The following RPS9 variants were observed in gnomAD, a reference collection of about 807,000 sequenced individuals.
The protein encoded by RPS9 is small ribosomal subunit protein uS4.
Under a neutral mutation model 16.9 loss-of-function variants are expected in RPS9, and 1 was observed. That is an observed-to-expected ratio of 0.06 (90% CI 0.02 to 0.28). The LOEUF (loss-of-function observed/expected upper bound fraction) is 0.28, where lower values mean the gene tolerates loss of function less well. RPS9 is among the 10% of genes least tolerant of loss of function. RPS9 has a pLI of 1.00. For synonymous variants in RPS9, 106 were observed against 110.9 expected (o/e 0.96, Z 0.28); for missense variants, 137 against 273.2 (o/e 0.50, Z 3.51).
chr19:54,201,331 A>C (rs777017611), intron 2 of RPS9, 50 bp downstream of exon 2: 25 of 1,613,472 alleles, frequency 1.5e-5, no homozygotes, highest in Non-Finnish European at 1.9e-5. Flanking sequence ...GGAGGCGGTT[A>C]GCACGTGGAT....
intron 3 of RPS9, among the ~76,000 whole-genome samples, chr19:54,204,787 T>G (rs1296911929): frequency 1.3e-5 from 2 of 152,142 alleles, no homozygotes; most frequent in Non-Finnish European, 1.5e-5. Flanking sequence ...GGTCCCAAAC[T>G]CATTTTCATT....
intron 2 of RPS9, 68 bp downstream of exon 2, chr19:54,201,349 C>T: frequency 6.2e-7 from 1 of 1,611,874 alleles, no homozygotes; most frequent in East Asian, 2.2e-5. Context: ...GATGAAGGTG[C>T]CCATGTACTC....
chr19:54,200,989 CA>C, intron 1 of RPS9, 101 bp downstream of exon 1: 1 of 1,439,076 alleles, frequency 6.9e-7, no homozygotes, highest in Non-Finnish European at 9.1e-7. Flanking sequence ...GGAAACAGAG[CA>C]GGGTGGTTGA....
At chr19:54,202,411 T>A (rs17239552) in intron 3 of RPS9, 373,778 of 982,334 alleles carry the variant, frequency 0.38, 74,546 homozygotes, top group East Asian at 0.43. Flanking sequence ...TGCTTGTTTT[T>A]TTAAGCTGGT....
intron 3 of RPS9, among the ~76,000 whole-genome samples, chr19:54,203,768 A>G: frequency 1.6e-5 from 2 of 125,762 alleles, no homozygotes; most frequent in Non-Finnish European, 3.6e-5. Context: ...AAACAACACG[A>G]ACTCCCCCCC....
At chr19:54,204,313 C>T (rs1328423036) in intron 3 of RPS9, among the ~76,000 whole-genome samples, 2 of 152,138 alleles carry the variant, frequency 1.3e-5, no homozygotes, top group East Asian at 1.9e-4. Flanking sequence ...TGCAGTGAGC[C>T]GAGATCACGC....
intron 3 of RPS9, among the ~76,000 whole-genome samples, chr19:54,204,496 T>C (rs1285179630): frequency 2.6e-5 from 4 of 152,224 alleles, no homozygotes; most frequent in Non-Finnish European, 4.4e-5. Flanking sequence ...CTGGACCTCC[T>C]GTGCTTAAGT....
intron 3 of RPS9, among the ~76,000 whole-genome samples, chr19:54,203,655 C>T (rs2077138373): frequency 6.6e-6 from 1 of 152,112 alleles, no homozygotes; most frequent in African/African-American, 2.4e-5. Context: ...CCTATAATCC[C>T]AGCTACTCGG....
In RPS9 at chr19:54,207,637, G is replaced by A. The variant is rs1435172564; in HGVS notation, c.*62G>A. 2.2e-5 allele frequency: 32 copies of A among 1,441,536 alleles called. No homozygotes were observed. Among genetic ancestry groups the A allele is most frequent in the Non-Finnish European group, 4.7e-6 (5 of 1,073,370 alleles). The allele number at this position is 1,441,536 out of a possible 1,614,324, so 89.3% of individuals were successfully genotyped here. A position where few individuals can be genotyped will look rare whatever the true frequency, so the allele number is the denominator to read the frequency against. On this transcript the variant is annotated 3_prime_UTR_variant, in exon 5 of 5. Coordinates refer to ENST00000302907, the MANE Select transcript of RPS9 (RefSeq NM_001013.4). ...TTTTCCTGCCAAATAAACAGGATCA[G>A]CGCTTTACAATTGGTGTGTGGGGGT...
At chr19:54,201,677 G>T in intron 3 of RPS9, 68 bp downstream of exon 3, 1 of 1,597,412 alleles carries the variant, frequency 6.3e-7, no homozygotes, top group East Asian at 2.3e-5. Flanking sequence ...CCCTTCTGTT[G>T]CCTCTGTTCC....
rs1163057793 is a variant in RPS9, at chr19:54,201,503, G to T, written c.114G>T (p.Arg38=). Reference sequence around the variant, plus strand: ...CCCCACCAGGCGAGTATGGGCTCCGGAACAAACGTGAGGTCTGGAGGGTCA... The same window carrying T: ...CCCCACCAGGCGAGTATGGGCTCCGTAACAAACGTGAGGTCTGGAGGGTCA... The part of the protein sequence containing the change: ...ELKLIGEYGL[R]NKREVWRVKF... Residue 38 remains arginine (R), a synonymous_variant, in exon 3 of 5, where the codon CGG becomes CGT. Transcript: ENST00000302907. 1 of 1,614,040 alleles carries T rather than the reference G, an allele frequency of 6.2e-7. No individual in the cohort carries two copies. Among genetic ancestry groups the T allele is most frequent in the South Asian group, 1.1e-5 (1 of 91,074 alleles).
At chr19:54,201,365 A>G in intron 2 of RPS9, 84 bp downstream of exon 2, 6 of 1,608,538 alleles carry the variant, frequency 3.7e-6, no homozygotes, top group Non-Finnish European at 2.5e-6. Flanking sequence ...TACTCTATCT[A>G]GTCCGTCCCC....
chr19:54,206,406 G>C lies in RPS9; in HGVS notation c.351G>C (p.Leu117=), dbSNP rs767635792. ...ERRLQTQVFK[L]GLAKSIHHAR... Reference sequence around the variant, plus strand: ...GCCTGCAGACCCAGGTCTTCAAGCTGGGCTTGGCCAAGTCCATCCACCACG... The same window carrying C: ...GCCTGCAGACCCAGGTCTTCAAGCTCGGCTTGGCCAAGTCCATCCACCACG... Residue 117 remains leucine (L), a synonymous_variant, in exon 4 of 5, where the codon CTG becomes CTC. Transcript: ENST00000302907. 1.2e-6 allele frequency: 2 copies of C among 1,614,264 alleles called. No homozygotes were observed. The highest frequency in any genetic ancestry group is 8.5e-7 in the Non-Finnish European group (1 of 1,180,042).
At chr19:54,201,783 C>T in intron 3 of RPS9, 174 bp downstream of exon 3, 2 of 1,375,570 alleles carry the variant, frequency 1.5e-6, no homozygotes, top group Non-Finnish European at 1.9e-6. Flanking sequence ...TCAGTCTTTG[C>T]CCTGTTTCTT....
chr19:54,201,907 G>A (rs75201819), intron 3 of RPS9: 215 of 421,978 alleles, frequency 5.1e-4, no homozygotes, highest in African/African-American at 4.0e-3. Flanking sequence ...CTGTTTATGT[G>A]GCCTGTTTGC....
rs1344225096 is a variant in RPS9, at chr19:54,206,182, G to A, written c.221-94G>A. ...GCTGTACTACTTGTGCCTCACCGCC[G>A]CGGCATGGAGCTACCAAGAGGCGGA... is the stretch of plus-strand genomic sequence containing the variant. On this transcript the variant is annotated intron_variant, in intron 3 of 4. Coordinates refer to ENST00000302907, the MANE Select transcript of RPS9 (RefSeq NM_001013.4). 44 of 1,288,424 alleles carry A rather than the reference G, an allele frequency of 3.4e-5. 1 individual carries two copies. Among genetic ancestry groups the A allele is most frequent in the African/African-American group, 7.4e-5 (5 of 67,866 alleles). 79.8% of individuals were successfully genotyped at this position (1,288,424 alleles called of 1,614,324 possible). A position where few individuals can be genotyped will look rare whatever the true frequency, so the allele number is the denominator to read the frequency against.
chr19:54,201,674 G>T, intron 3 of RPS9, 65 bp downstream of exon 3: 3 of 1,599,156 alleles, frequency 1.9e-6, no homozygotes, highest in Non-Finnish European at 2.6e-6. Flanking sequence ...TCTCCCTTCT[G>T]TTGCCTCTGT....
At chr19:54,201,045 G>A (rs1600736446) in intron 1 of RPS9, 115 bp from the exon 2 acceptor site, 2 of 1,492,716 alleles carry the variant, frequency 1.3e-6, no homozygotes, top group African/African-American at 1.4e-5. Flanking sequence ...GACTATGAGA[G>A]CGTTGGAGGT....
chr19:54,205,775 T>A (rs1214039786), intron 3 of RPS9, among the ~76,000 whole-genome samples: 2 of 152,200 alleles, frequency 1.3e-5, no homozygotes, highest in Non-Finnish European at 2.9e-5. Context: ...ATCTGCAGTT[T>A]ACTATGAATG....
Sources: allele counts gnomAD v4.1 joint callset (sites outside exome capture counted in the v4.1 genomes callset), GRCh38; gene constraint gnomAD v4.1.1; transcripts MANE v1.5; gene names NCBI Gene and HGNC (gene_info 2026-07-23, HGNC 2026-07-21).